COL23A1: variants seen among roughly 807,000 people sequenced by gnomAD.
COL23A1 encodes collagen alpha-1(XXIII) chain.
COL23A1 carries 97 observed loss-of-function variants against 99.3 expected under a neutral mutation model. The ratio of observed to expected loss-of-function variants is 0.98; its 90% CI spans 0.83 to 1.16. The LOEUF is 1.16. COL23A1 is among the 50% of genes most tolerant of loss of function. The probability of loss-of-function intolerance (pLI) is 0.00; values close to 1 mark genes in which losing one functional copy is unlikely to be tolerated. For synonymous variants in COL23A1, 320 were observed against 308.2 expected, an observed-to-expected ratio of 1.04 and a Z score of -0.40; for missense variants, 762 against 757.4, an observed-to-expected ratio of 1.01 and a Z score of -0.07.
At chr5:178,530,901 CTT>C (rs1295745065) in intron 2 of COL23A1, among the ~76,000 whole-genome samples, 2 of 151,786 alleles carry the variant, frequency 1.3e-5, no homozygotes, top group Non-Finnish European at 2.9e-5. Flanking sequence ...GAGTTTTGCT[CTT>C]GTCGCCCAGG....
intron 2 of COL23A1, among the ~76,000 whole-genome samples, chr5:178,517,398 A>C (rs1759581175): frequency 6.6e-6 from 1 of 152,048 alleles, no homozygotes; most frequent in Non-Finnish European, 1.5e-5. Flanking sequence ...CTGTGGAGGG[A>C]GAGGGCCCAT....
intron 2 of COL23A1, among the ~76,000 whole-genome samples, chr5:178,410,798 T>G (rs929294448): frequency 1.3e-4 from 20 of 152,290 alleles, no homozygotes; most frequent in Middle Eastern, 3.4e-3. Flanking sequence ...AAAACTTTTG[T>G]GTGTTAAAGG....
At chr5:178,455,151 G>C (rs1767699901) in intron 2 of COL23A1, among the ~76,000 whole-genome samples, 1 of 152,226 alleles carries the variant, frequency 6.6e-6, no homozygotes, top group African/African-American at 2.4e-5. Flanking sequence ...TTCCAAATAA[G>C]GTCACATTCA....
rs1414756177 is a variant in COL23A1 at position 178,343,107 on chromosome 5, A to C, written c.362-36188T>G. Among the ~76,000 whole-genome samples, 4 of 152,370 alleles carry C rather than the reference A, an allele frequency of 2.6e-5. 1 individual carries two copies. In the South Asian group the frequency reaches 6.2e-4, roughly 24 times the overall value. On this transcript the variant is annotated intron_variant, in intron 2 of 28. Coordinates refer to ENST00000390654, the MANE Select transcript of COL23A1 (RefSeq NM_173465.4). ...GTCACCCAAGTGTGAGGGCATGGCC[A>C]ACACATTCTCAACCACAGAAGGCCC...
chr5:178,407,867 G>A (rs993574321), intron 2 of COL23A1, among the ~76,000 whole-genome samples: 1 of 152,162 alleles, frequency 6.6e-6, no homozygotes, highest in Non-Finnish European at 1.5e-5. Context: ...TGACATTAGT[G>A]TCAGCAAGAG....
At chr5:178,476,322 G>A (rs1410692144) in intron 2 of COL23A1, among the ~76,000 whole-genome samples, 2 of 152,090 alleles carry the variant, frequency 1.3e-5, no homozygotes, top group Non-Finnish European at 2.9e-5. Context: ...GTAACAGAGT[G>A]GAGATCTACC....
intron 2 of COL23A1, among the ~76,000 whole-genome samples, chr5:178,474,159 TC>T (rs1178265835): frequency 6.6e-6 from 1 of 152,196 alleles, no homozygotes; most frequent in East Asian, 1.9e-4. Flanking sequence ...ACGTGTGACT[TC>T]CCATCAATGC....
chr5:178,252,655 A>C, intron 16 of COL23A1, 58 bp from the exon 17 acceptor site: 1 of 1,442,694 alleles, frequency 6.9e-7, no homozygotes, highest in Non-Finnish European at 9.5e-7. Flanking sequence ...TCCCTTCGCT[A>C]CCCATCCAGC....
At chr5:178,389,533 C>A (rs1763853042) in intron 2 of COL23A1, among the ~76,000 whole-genome samples, 1 of 152,240 alleles carries the variant, frequency 6.6e-6, no homozygotes, top group African/African-American at 2.4e-5. Context: ...TCTCATCCCT[C>A]CTCACAGAGG....
intron 2 of COL23A1, among the ~76,000 whole-genome samples, chr5:178,318,563 A>G (rs1300680989): frequency 6.6e-6 from 1 of 152,196 alleles, no homozygotes; most frequent in Non-Finnish European, 1.5e-5. Context: ...GGGCCGGACT[A>G]GCCAGCAGAC....
At chr5:178,242,215 A>G in intron 26 of COL23A1, 87 bp from the exon 27 acceptor site, 11 of 1,464,448 alleles carry the variant, frequency 7.5e-6, no homozygotes, top group Non-Finnish European at 1.0e-5. Context: ...GCGTGGGGCC[A>G]GCCTCCCCCT....
At chr5:178,382,574 G>T (rs943944743) in intron 2 of COL23A1, among the ~76,000 whole-genome samples, 1 of 152,146 alleles carries the variant, frequency 6.6e-6, no homozygotes, top group African/African-American at 2.4e-5. Flanking sequence ...GGCCAGAGTG[G>T]GGGGTGAGGA....
intron 8 of COL23A1, among the ~76,000 whole-genome samples, chr5:178,266,975 C>T (rs1755938302): frequency 1.3e-5 from 2 of 152,252 alleles, no homozygotes; most frequent in Admixed American, 1.3e-4. Flanking sequence ...GTTCTGCTGA[C>T]CCCAGAGCCT....
In COL23A1 at chr5:178,387,867, C is replaced by T. The variant is rs1763755096; in HGVS notation, c.362-80948G>A. ...GAGGGCCCAAGGAGAAAATAAGGAG[C>T]CAAAAGCAACCTGCCTGCAAGGCCT... On this transcript the variant is annotated intron_variant, in intron 2 of 28. Coordinates refer to ENST00000390654, the MANE Select transcript of COL23A1 (RefSeq NM_173465.4). This position sits in a 1 kb window ranked among gnomAD's most constrained non-coding sequence, Gnocchi z 4.7. 6.6e-6 allele frequency among the ~76,000 whole-genome samples: 1 copy of T among 152,138 alleles called. No individual in the cohort carries two copies. The highest frequency in any genetic ancestry group is 1.5e-5 in the Non-Finnish European group (1 of 68,018).
At chr5:178,394,033 G>C (rs1412074049) in intron 2 of COL23A1, among the ~76,000 whole-genome samples, 1 of 152,200 alleles carries the variant, frequency 6.6e-6, no homozygotes, top group East Asian at 1.9e-4. Flanking sequence ...ATAACCCCTT[G>C]GTCCCAAGGA....
At chr5:178,319,326 ATCACTGACACATGTAC>A (rs1759155496) in intron 2 of COL23A1, among the ~76,000 whole-genome samples, 1 of 152,218 alleles carries the variant, frequency 6.6e-6, no homozygotes. Context: ...CCGAGTCTTA[ATCACTGACACATGTAC>A]TCCTCTGAAC....
At chr5:178,245,900 C>T in intron 25 of COL23A1, 42 bp downstream of exon 25, 1 of 1,611,846 alleles carries the variant, frequency 6.2e-7, no homozygotes, top group South Asian at 1.1e-5. Flanking sequence ...AAGATACACA[C>T]AAGAGGCACC....
chr5:178,391,816 C>T (rs1763978222), intron 2 of COL23A1, among the ~76,000 whole-genome samples: 1 of 152,136 alleles, frequency 6.6e-6, no homozygotes, highest in South Asian at 2.1e-4. Context: ...CCCAAAAGTC[C>T]AAGTATCCAA....
chr5:178,292,305 C>G (rs540749221), intron 3 of COL23A1, among the ~76,000 whole-genome samples: 1 of 152,348 alleles, frequency 6.6e-6, no homozygotes, highest in East Asian at 1.9e-4. Context: ...AATTAGGCCA[C>G]TGTCCCCTCT....
Sources: allele counts gnomAD v4.1 joint callset (sites outside exome capture counted in the v4.1 genomes callset), GRCh38; gene constraint gnomAD v4.1.1; non-coding constraint Gnocchi (gnomAD v3.1); transcripts MANE v1.5; gene names NCBI Gene and HGNC (gene_info 2026-07-23, HGNC 2026-07-21).